Variants in EPHA10 observed in about 807,000 individuals in gnomAD.
EPHA10 encodes ephrin type-A receptor 10.
A neutral mutation model predicts 109.7 loss-of-function variants in EPHA10; 120 were observed. The ratio of observed to expected loss-of-function variants is 1.09; its 90% CI spans 0.94 to 1.27. The LOEUF is 1.27. Among genes scored for constraint, EPHA10 ranks in the 50% most tolerant of loss-of-function variants. The probability of loss-of-function intolerance (pLI) is 0.00; values close to 1 mark genes in which losing one functional copy is unlikely to be tolerated. For missense variants in EPHA10, 1,396 were observed against 1,411.1 expected (o/e 0.99, Z 0.17); for synonymous variants, 640 against 618.9 (o/e 1.03, Z -0.51).
At position 37,732,863 on chromosome 1, in the gene EPHA10, C is replaced by CTTTTTTTTTTTTT. The variant is rs56226051; in HGVS notation, c.1492-1294_1492-1282dup. On this transcript the variant is annotated intron_variant, in intron 6 of 16. Coordinates refer to ENST00000373048, the MANE Select transcript of EPHA10 (RefSeq NM_001099439.2). ...CAAATATAGCCCTTTTATACTTGTT[C>CTTTTTTTTTTTTT]TTTTTTTTTTTTTTTTTTTTTTTTT... 1.9e-3 allele frequency among the ~76,000 whole-genome samples: 47 copies of CTTTTTTTTTTTTT among 25,036 alleles called. 5 individuals are homozygous for CTTTTTTTTTTTTT. The highest frequency in any genetic ancestry group is 3.3e-3 in the African/African-American group (25 of 7,476). The allele number at this position is 25,036 out of a possible 152,430, so 16.4% of individuals were successfully genotyped here.
chr1:37,717,891 G>A lies in EPHA10; in HGVS notation c.*481C>T, dbSNP rs537442373. 8 of 239,712 alleles carry A rather than the reference G, an allele frequency of 3.3e-5. No individual in the cohort carries two copies. Among genetic ancestry groups the A allele is most frequent in the African/African-American group, 1.5e-4 (7 of 45,450 alleles). 14.8% of individuals were successfully genotyped at this position (239,712 alleles called of 1,614,324 possible). A position where few individuals can be genotyped will look rare whatever the true frequency, so the allele number is the denominator to read the frequency against. ...CTCTGGCCCAGCCCCCGACGCCTGA[G>A]CCACCAGGCAGCTGCAGTCACTGCC... On this transcript the variant is annotated 3_prime_UTR_variant, in exon 17 of 17. Coordinates refer to ENST00000373048, the MANE Select transcript of EPHA10 (RefSeq NM_001099439.2).
intron 5 of EPHA10, among the ~76,000 whole-genome samples, chr1:37,749,024 G>T (rs1441649521): frequency 6.9e-6 from 1 of 145,032 alleles, no homozygotes; most frequent in African/African-American, 2.5e-5. Context: ...CAGGGTTCAA[G>T]AGATTCTCCT....
Position 37,716,619 on chromosome 1 carries a change from T to C in EPHA10, c.*1753A>G. On this transcript the variant is annotated 3_prime_UTR_variant, in exon 17 of 17. Coordinates refer to ENST00000373048, the MANE Select transcript of EPHA10 (RefSeq NM_001099439.2). ...CTGGCAGGGTAAGGCCAAAGGCACC[T>C]CTGTGAGTCACTGTCCCCCACCTCT... 4.3e-6 allele frequency: 1 copy of C among 232,558 alleles called. No individual in the cohort carries two copies. Among genetic ancestry groups the C allele is most frequent in the Non-Finnish European group, 8.5e-6 (1 of 117,716 alleles). 14.4% of individuals were successfully genotyped at this position (232,558 alleles called of 1,614,324 possible).
rs926264673 is a variant in EPHA10, at chr1:37,716,829, A to C, written c.*1543T>G. On this transcript the variant is annotated 3_prime_UTR_variant, in exon 17 of 17. Coordinates refer to ENST00000373048, the MANE Select transcript of EPHA10 (RefSeq NM_001099439.2). Reference sequence around the variant, plus strand: ...TGTTCAACTTACATCTCAACTTCACACATTAAGAGAGTGGCTATCTCCCCC... The same window carrying C: ...TGTTCAACTTACATCTCAACTTCACCCATTAAGAGAGTGGCTATCTCCCCC... The C allele has an allele frequency of 2.6e-5, 6 of 232,378 alleles. No homozygotes were observed. The highest frequency in any genetic ancestry group is 1.3e-4 in the African/African-American group (6 of 45,158). 14.4% of individuals were successfully genotyped at this position (232,378 alleles called of 1,614,324 possible).
chr1:37,715,910 G>C (rs766323896), downstream of EPHA10: 11 of 566,968 alleles, frequency 1.9e-5, no homozygotes, highest in South Asian at 1.3e-4. Flanking sequence ...CTCGAGGAAG[G>C]GGGCAGAAGC....
chr1:37,744,409 A>T (rs972243318), intron 5 of EPHA10, among the ~76,000 whole-genome samples: 2 of 151,708 alleles, frequency 1.3e-5, no homozygotes, highest in East Asian at 3.9e-4. Context: ...AATCCCAGCT[A>T]CTCGGGAGGC....
rs140495516 is a variant in EPHA10, at chr1:37,740,961, A to G, written c.1358-5571T>C. On this transcript the variant is annotated intron_variant, in intron 5 of 16. Coordinates refer to ENST00000373048, the MANE Select transcript of EPHA10 (RefSeq NM_001099439.2). ...CAACAATTAAGAAACAGGCAAAGGAAGAGAAGCTTGACAAGGAGGAGCCAG... is the reference window on the plus strand; with the variant it reads ...CAACAATTAAGAAACAGGCAAAGGAGGAGAAGCTTGACAAGGAGGAGCCAG... Among the ~76,000 whole-genome samples the G allele has an allele frequency of 6.3e-4, 96 of 152,314 alleles. 1 individual carries two copies. The highest frequency in any genetic ancestry group is 2.9e-3 in the Admixed American group (44 of 15,296).
At chr1:37,725,020 C>A (rs77877264) in intron 8 of EPHA10, among the ~76,000 whole-genome samples, 2,437 of 152,196 alleles carry the variant, frequency 0.016, 66 homozygotes, top group African/African-American at 0.055. Context: ...AAGGACTGAT[C>A]CTGGCTGGGA....
intron 10 of EPHA10, 42 bp downstream of exon 10, chr1:37,722,999 G>A: frequency 6.2e-7 from 1 of 1,613,678 alleles, no homozygotes; most frequent in South Asian, 1.1e-5. Context: ...GAGTGGGTGA[G>A]GCTTCCAGAT....
At position 37,716,105 on chromosome 1, in the gene EPHA10, G is replaced by T. The variant is rs2148297361; in HGVS notation, c.*2267C>A. The T allele has an allele frequency of 2.2e-6, 1 of 460,294 alleles. No individual in the cohort carries two copies. The highest frequency in any genetic ancestry group is 4.1e-6 in the Non-Finnish European group (1 of 244,774). 28.5% of individuals were successfully genotyped at this position (460,294 alleles called of 1,614,324 possible). On this transcript the variant is annotated 3_prime_UTR_variant, in exon 17 of 17. Transcript: ENST00000373048. ...AGACCAGGGTAATGGGGGCTTGCAGGCCACCTCTGTCCAGTGAACAAGTTC... is the reference window on the plus strand; with the variant it reads ...AGACCAGGGTAATGGGGGCTTGCAGTCCACCTCTGTCCAGTGAACAAGTTC...
At chr1:37,720,896 C>A (rs763827262) in intron 11 of EPHA10, 52 bp from the exon 12 acceptor site, 4 of 1,583,524 alleles carry the variant, frequency 2.5e-6, no homozygotes, top group Admixed American at 3.3e-5. Context: ...CCACTCCGCA[C>A]GCACACAAGT....
chr1:37,751,321 C>A (rs569237747), intron 5 of EPHA10, among the ~76,000 whole-genome samples: 10 of 150,824 alleles, frequency 6.6e-5, no homozygotes, highest in Non-Finnish European at 1.2e-4. Context: ...GTAATCCCAG[C>A]ACTTTGGGAG....
chr1:37,752,349 A>G (rs1646340271), intron 5 of EPHA10, among the ~76,000 whole-genome samples: 1 of 152,164 alleles, frequency 6.6e-6, no homozygotes, highest in African/African-American at 2.4e-5. Flanking sequence ...GGAGGTGGCC[A>G]GATGCAGCAA....
intron 6 of EPHA10, among the ~76,000 whole-genome samples, chr1:37,734,073 C>T (rs936005265): frequency 6.6e-6 from 1 of 152,214 alleles, no homozygotes; most frequent in African/African-American, 2.4e-5. Flanking sequence ...CAGGTCTCAA[C>T]AGACTTCCAG....
rs1384992068 is a variant in EPHA10, at chr1:37,718,266, A to T, written c.*106T>A. ...CAGATCTGGGCCCAAGCAGAGGAAGAGAGCGCTCCCTCCCACACTGCTGGA... is the reference window on the plus strand; with the variant it reads ...CAGATCTGGGCCCAAGCAGAGGAAGTGAGCGCTCCCTCCCACACTGCTGGA... On this transcript the variant is annotated 3_prime_UTR_variant, in exon 17 of 17. Transcript: ENST00000373048. 3 of 953,690 alleles carry T rather than the reference A, an allele frequency of 3.1e-6. No individual in the cohort carries two copies. The highest frequency in any genetic ancestry group is 4.8e-6 in the Non-Finnish European group (3 of 623,960). 59.1% of individuals were successfully genotyped at this position (953,690 alleles called of 1,614,324 possible).
chr1:37,721,781 G>T lies in EPHA10; in HGVS notation c.2025C>A (p.Ala675=). 1 of 1,611,408 alleles carries T rather than the reference G, an allele frequency of 6.2e-7. No individual in the cohort carries two copies. Among genetic ancestry groups the T allele is most frequent in the East Asian group, 2.2e-5 (1 of 44,796 alleles). Residue 675 remains alanine (A), a synonymous_variant, in exon 11 of 17, where the codon GCC becomes GCA. Coordinates refer to ENST00000373048, the MANE Select transcript of EPHA10 (RefSeq NM_001099439.2). ...AGGCGCTGTCCCTCAGCATATGCAC[G>T]GCTACGAGCAGCTCCTGGCGACCGG... ...QLPGRQELLV[A]VHMLRDSASD... is the part of the protein sequence containing the mutation.
chr1:37,731,193 G>A (rs1003915402), intron 7 of EPHA10, among the ~76,000 whole-genome samples: 1 of 152,192 alleles, frequency 6.6e-6, no homozygotes, highest in African/African-American at 2.4e-5. Context: ...GCTCCTCCAG[G>A]ACAGTTTCCC....
In EPHA10 at chr1:37,720,935, C is replaced by A. The variant is rs116144223; in HGVS notation, c.2147-91G>T. 511 of 1,304,300 alleles carry A rather than the reference C, an allele frequency of 3.9e-4. 2 individuals are homozygous for A. The African/African-American group carries it at 6.0e-3, about 15-fold the overall frequency. 80.8% of individuals were successfully genotyped at this position (1,304,300 alleles called of 1,614,324 possible). The stretch of plus-strand genomic sequence containing the variant: ...CCCCCCAGGGTCCCAGACTGGGCCT[C>A]GAGAGCCAGAACCAGCACCAAGCTC... On this transcript the variant is annotated intron_variant, in intron 11 of 16. Transcript: ENST00000373048.
chr1:37,721,942 C>A, intron 10 of EPHA10, 97 bp from the exon 11 acceptor site: 1 of 1,243,526 alleles, frequency 8.0e-7, no homozygotes. Flanking sequence ...ACCAGCCTGG[C>A]CAACATGGCG....
Sources: allele counts gnomAD v4.1 joint callset (sites outside exome capture counted in the v4.1 genomes callset), GRCh38; gene constraint gnomAD v4.1.1; transcripts MANE v1.5; gene names NCBI Gene and HGNC (gene_info 2026-07-23, HGNC 2026-07-21).